Variants in TNS1 observed in about 807,000 individuals in gnomAD.
The protein encoded by TNS1 is tensin 1, also known as tensin-1.
A neutral mutation model predicts 168.6 loss-of-function variants in TNS1; 62 were observed. The ratio of observed to expected loss-of-function variants is 0.37; its 90% CI spans 0.30 to 0.45. TNS1 has a LOEUF of 0.45. TNS1 is among the 20% of genes least tolerant of loss of function. The probability of loss-of-function intolerance (pLI) is 1.00; values close to 1 mark genes in which losing one functional copy is unlikely to be tolerated. For synonymous variants in TNS1, 934 were observed against 933.2 expected (o/e 1.00, Z -0.02); for missense variants, 2,240 against 2,339.4 (o/e 0.96, Z 0.88).
chr2:217,847,455 C>T (rs920975444), intron 19 of TNS1, 55 bp downstream of exon 19: 27 of 1,370,412 alleles, frequency 2.0e-5, no homozygotes, highest in Non-Finnish European at 2.6e-5. Context: ...GCACCTCCCC[C>T]CAGCAAGACC....
At position 217,996,089 on chromosome 2, in the gene TNS1, G is replaced by A. The variant is rs537927934; in HGVS notation, c.34-5033C>T. On this transcript the variant is annotated intron_variant, in intron 1 of 32. Transcript: ENST00000682258. ...CTCCCTGCCCCGTGGGGGCAGAGCA[G>A]CAGTGAGGGTTGGGTGGTGATGAAA... 1.3e-3 allele frequency among the ~76,000 whole-genome samples: 191 copies of A among 152,288 alleles called. 1 individual carries two copies. The highest frequency in any genetic ancestry group is 4.5e-3 in the African/African-American group (187 of 41,560).
chr2:217,847,573 G>A lies in TNS1; in HGVS notation c.2944C>T (p.Pro982Ser), dbSNP rs752451216. ...LLSPKEATSD[P>S]SRTPEEEPLN... ...GGCTCCTCCTCTGGAGTCCGGGAGG[G>A]GTCTGAAGTCGCTTCCTTTGGTGAG... The change falls in exon 19 of 33, where the codon CCC becomes TCC. Residue 982 changes from proline to serine, a missense_variant. Pro to Ser is a moderately conservative substitution (Grantham distance 74). Coordinates refer to ENST00000682258, the MANE Select transcript of TNS1 (RefSeq NM_001387777.1). 9.3e-6 allele frequency: 14 copies of A among 1,504,062 alleles called. No homozygotes were observed. The highest frequency in any genetic ancestry group is 1.4e-5 in the African/African-American group (1 of 72,284). 93.2% of individuals were successfully genotyped at this position (1,504,062 alleles called of 1,614,324 possible). A position where few individuals can be genotyped will look rare whatever the true frequency, so the allele number is the denominator to read the frequency against.
intron 18 of TNS1, among the ~76,000 whole-genome samples, chr2:217,874,334 C>T (rs1412633538): frequency 6.6e-6 from 1 of 152,150 alleles, no homozygotes; most frequent in Non-Finnish European, 1.5e-5. Flanking sequence ...GAGGATTAAC[C>T]AAGAGAACAT....
chr2:218,009,196 A>G (rs907502566), intron 1 of TNS1, among the ~76,000 whole-genome samples: 20 of 152,178 alleles, frequency 1.3e-4, no homozygotes, highest in Non-Finnish European at 2.8e-4. Flanking sequence ...GAAAGCCAGG[A>G]CTTCCAGTCC....
intron 1 of TNS1, among the ~76,000 whole-genome samples, chr2:217,996,116 G>T (rs900904516): frequency 6.6e-6 from 1 of 152,102 alleles, no homozygotes; most frequent in African/African-American, 2.4e-5. Context: ...GTGATGAAAG[G>T]GGGTGATAGA....
chr2:217,958,003 T>TCACACACACACACACACACA (rs57381974), intron 3 of TNS1, among the ~76,000 whole-genome samples: 3,082 of 145,732 alleles, frequency 0.021, 53 homozygotes, highest in South Asian at 0.052. Context: ...AATAAAGAAT[T>TCACACACACACACACACACA]CACACACACA....
At chr2:217,959,741 TG>T (rs1957450875) in intron 3 of TNS1, among the ~76,000 whole-genome samples, 1 of 152,178 alleles carries the variant, frequency 6.6e-6, no homozygotes, top group Non-Finnish European at 1.5e-5. Flanking sequence ...TTCAAGGTTC[TG>T]ATGAGACTGG....
intron 1 of TNS1, among the ~76,000 whole-genome samples, chr2:218,009,642 G>A (rs1196576233): frequency 6.6e-6 from 1 of 152,022 alleles, no homozygotes; most frequent in African/African-American, 2.4e-5. Context: ...CCCCATTCCC[G>A]TGTTCATTTC....
At chr2:217,958,913 A>T (rs1957429531) in intron 3 of TNS1, among the ~76,000 whole-genome samples, 1 of 152,214 alleles carries the variant, frequency 6.6e-6, no homozygotes, top group Non-Finnish European at 1.5e-5. Flanking sequence ...AACCTTCTAC[A>T]AGGTTCTCAG....
At chr2:217,885,277 G>A (rs1574948796) in intron 15 of TNS1, 113 bp from the exon 16 acceptor site, 19 of 1,444,652 alleles carry the variant, frequency 1.3e-5, no homozygotes, top group Admixed American at 6.6e-5. Context: ...CCCCAAACCC[G>A]GTGAGGGAGA....
chr2:217,882,190 G>A (rs1318863790), intron 17 of TNS1, 156 bp downstream of exon 17: 1 of 588,958 alleles, frequency 1.7e-6, no homozygotes, highest in East Asian at 3.3e-5. Flanking sequence ...TTCATGTTTA[G>A]CTAGGGGTCC....
In TNS1 at chr2:218,002,970, C is replaced by T. The variant is rs750389535; in HGVS notation, c.-98G>A. ...CTGGCAGAAGGGCTCTCTGAGTCCG[C>T]GGCTGCTCCGGCTCCGCCAGCATCT... On this transcript the variant is annotated 5_prime_UTR_variant, in exon 1 of 33. Transcript: ENST00000682258. 34 of 454,658 alleles carry T rather than the reference C, an allele frequency of 7.5e-5. No homozygotes were observed. Among genetic ancestry groups the T allele is most frequent in the African/African-American group, 4.2e-4 (21 of 50,102 alleles). The allele number at this position is 454,658 out of a possible 1,614,324, so 28.2% of individuals were successfully genotyped here. A position where few individuals can be genotyped will look rare whatever the true frequency, so the allele number is the denominator to read the frequency against.
rs138467854 is a variant in TNS1 at position 217,821,557 on chromosome 2, G to A, written c.3572+183C>T. On this transcript the variant is annotated intron_variant, in intron 23 of 32. Coordinates refer to ENST00000682258, the MANE Select transcript of TNS1 (RefSeq NM_001387777.1). ...TTATAGGTCACTGGGCTCCCCACAG[G>A]ATTCAGCGCGCAGGACATGTGCCCT... Among the ~76,000 whole-genome samples, 812 of 152,304 alleles carry A rather than the reference G, an allele frequency of 5.3e-3. 2 individuals are homozygous for A. Among genetic ancestry groups the A allele is most frequent in the Non-Finnish European group, 8.1e-3 (551 of 68,028 alleles).
chr2:217,960,079 C>A (rs1957460799), intron 3 of TNS1, among the ~76,000 whole-genome samples: 1 of 152,102 alleles, frequency 6.6e-6, no homozygotes, highest in African/African-American at 2.4e-5. Flanking sequence ...CAGCCCCTCA[C>A]CTACCCTTGT....
At chr2:218,002,542 C>T (rs959232003) in intron 1 of TNS1, among the ~76,000 whole-genome samples, 3 of 132,750 alleles carry the variant, frequency 2.3e-5, no homozygotes, top group African/African-American at 8.7e-5. Flanking sequence ...GAGAAGCAAA[C>T]TTCTCTGTGG....
intron 2 of TNS1, among the ~76,000 whole-genome samples, chr2:217,983,802 C>T (rs1958118793): frequency 6.6e-6 from 1 of 152,226 alleles, no homozygotes; most frequent in African/African-American, 2.4e-5. Context: ...CCTGCCCTGC[C>T]AGTTCATCTC....
chr2:217,976,013 C>T (rs143371211), intron 3 of TNS1, among the ~76,000 whole-genome samples: 1 of 152,298 alleles, frequency 6.6e-6, no homozygotes, highest in East Asian at 1.9e-4. Flanking sequence ...TAACAAGTTC[C>T]TCTCACCTCA....
chr2:218,029,011 C>G (rs1327641910), intron 1 of TNS1, among the ~76,000 whole-genome samples: 1 of 152,232 alleles, frequency 6.6e-6, no homozygotes, highest in Admixed American at 6.5e-5. Flanking sequence ...AACGAGGAGG[C>G]AGTGGCTGGC....
intron 3 of TNS1, among the ~76,000 whole-genome samples, chr2:217,924,095 G>A (rs923024802): frequency 2.6e-5 from 4 of 152,104 alleles, no homozygotes; most frequent in African/African-American, 4.8e-5. Context: ...CCCCTTGTCC[G>A]GGACCCGAAG....
Sources: gnomAD v4.1 joint callset for allele counts (sites outside exome capture counted in the v4.1 genomes callset) on GRCh38, gnomAD v4.1.1 for gene constraint, MANE v1.5 for transcripts, NCBI Gene and HGNC (gene_info 2026-07-23, HGNC 2026-07-21) for gene names.